MACROD2: variants seen among roughly 807,000 people sequenced by gnomAD.
The protein encoded by MACROD2 is ADP-ribose glycohydrolase MACROD2.
Under a neutral mutation model 70.4 loss-of-function variants are expected in MACROD2, and 36 were observed. The observed-to-expected ratio is 0.51, with a 90% CI of 0.39 to 0.68. The LOEUF (loss-of-function observed/expected upper bound fraction) is 0.68, where lower values mean the gene tolerates loss of function less well. Ranked by LOEUF, MACROD2 falls within the 30% of genes least tolerant of loss-of-function variation. The probability of loss-of-function intolerance (pLI) is 0.00; values close to 1 mark genes in which losing one functional copy is unlikely to be tolerated. For synonymous variants in MACROD2, 172 were observed against 178.8 expected (o/e 0.96, Z 0.30); for missense variants, 496 against 538.4 (o/e 0.92, Z 0.78).
intron 8 of MACROD2, among the ~76,000 whole-genome samples, chr20:15,753,110 T>C (rs2051297517): frequency 6.6e-6 from 1 of 152,082 alleles, no homozygotes; most frequent in Admixed American, 6.6e-5. Flanking sequence ...TATGGTATTA[T>C]ATTAATTTTT....
chr20:15,171,186 A>G (rs1568615040), intron 5 of MACROD2, among the ~76,000 whole-genome samples: 1 of 152,076 alleles, frequency 6.6e-6, no homozygotes, highest in East Asian at 1.9e-4. Flanking sequence ...AGACTGGCCT[A>G]TTTCATCATC....
intron 5 of MACROD2, among the ~76,000 whole-genome samples, chr20:15,125,570 G>T (rs139903702): frequency 6.6e-6 from 1 of 152,008 alleles, no homozygotes; most frequent in Non-Finnish European, 1.5e-5. Flanking sequence ...GGTTATATTA[G>T]CAATGTTTTA....
chr20:14,623,279 G>A (rs575042020), intron 4 of MACROD2, among the ~76,000 whole-genome samples: 39 of 152,104 alleles, frequency 2.6e-4, no homozygotes, highest in African/African-American at 8.7e-4. Context: ...GGTCTGCTAT[G>A]GAAGGAAGCT....
chr20:14,412,207 T>C (rs762885736), intron 3 of MACROD2, among the ~76,000 whole-genome samples: 16 of 152,282 alleles, frequency 1.1e-4, no homozygotes, highest in South Asian at 2.1e-4. Flanking sequence ...CAAATCACTG[T>C]GAGGACTTCT....
At chr20:15,632,540 C>A (rs75365708) in intron 8 of MACROD2, among the ~76,000 whole-genome samples, 10,020 of 152,092 alleles carry the variant, frequency 0.066, 414 homozygotes, top group Middle Eastern at 0.14. Context: ...AGAGACAGGA[C>A]CAGGAAATAC....
At chr20:14,546,235 A>G (rs2085490497) in intron 4 of MACROD2, among the ~76,000 whole-genome samples, 1 of 152,184 alleles carries the variant, frequency 6.6e-6, no homozygotes, top group African/African-American at 2.4e-5. Flanking sequence ...AGTAATTGCT[A>G]GAACTTTTTT....
At chr20:14,041,088 G>T (rs1030232712) in intron 2 of MACROD2, among the ~76,000 whole-genome samples, 4 of 152,084 alleles carry the variant, frequency 2.6e-5, no homozygotes, top group African/African-American at 7.2e-5. Context: ...CACTAAATTT[G>T]TTTCTCATCC....
chr20:15,474,328 T>G (rs2046995035), intron 7 of MACROD2, among the ~76,000 whole-genome samples: 1 of 152,192 alleles, frequency 6.6e-6, no homozygotes, highest in Non-Finnish European at 1.5e-5. Flanking sequence ...TTATTATCCC[T>G]TAGGATGAAA....
chr20:14,928,642 T>G (rs891793137), intron 5 of MACROD2, among the ~76,000 whole-genome samples: 2 of 152,100 alleles, frequency 1.3e-5, no homozygotes, highest in African/African-American at 2.4e-5. Flanking sequence ...AAAGCATAGG[T>G]CCTAAGTCCT....
At chr20:14,035,297 T>C (rs2053293927) in intron 2 of MACROD2, among the ~76,000 whole-genome samples, 1 of 152,230 alleles carries the variant, frequency 6.6e-6, no homozygotes, top group Non-Finnish European at 1.5e-5. Context: ...CATTTTGTTA[T>C]TCAGTGAGAT....
At chr20:15,433,322 G>T (rs562252444) in intron 7 of MACROD2, among the ~76,000 whole-genome samples, 2 of 151,652 alleles carry the variant, frequency 1.3e-5, no homozygotes, top group South Asian at 2.1e-4. Flanking sequence ...CACACAAAAA[G>T]CTCCTCAATC....
intron 6 of MACROD2, among the ~76,000 whole-genome samples, chr20:15,274,354 G>T (rs933472206): frequency 6.6e-6 from 1 of 152,222 alleles, no homozygotes; most frequent in Admixed American, 6.5e-5. Context: ...TGCTGGGGCT[G>T]TATTGTTCTT....
At chr20:14,674,080 T>A (rs1322658080) in intron 4 of MACROD2, among the ~76,000 whole-genome samples, 3 of 152,202 alleles carry the variant, frequency 2.0e-5, no homozygotes, top group African/African-American at 4.8e-5. Flanking sequence ...TATTAAAAGA[T>A]GTATTCTCCA....
intron 5 of MACROD2, among the ~76,000 whole-genome samples, chr20:15,088,445 ATATATAATATTT>A (rs1568567455): frequency 2.5e-3 from 120 of 48,170 alleles, no homozygotes; most frequent in African/African-American, 8.8e-3. Flanking sequence ...ATATATATAT[ATATATAATATTT>A]TGTGTGTGTG....
chr20:15,062,528 T>C (rs1438587912), intron 5 of MACROD2, among the ~76,000 whole-genome samples: 1 of 151,590 alleles, frequency 6.6e-6, no homozygotes, highest in African/African-American at 2.4e-5. Context: ...TCATGATACC[T>C]GTAAAAAAAA....
chr20:16,028,499 A>G (rs910738665), intron 15 of MACROD2, among the ~76,000 whole-genome samples: 1 of 152,002 alleles, frequency 6.6e-6, no homozygotes, highest in Non-Finnish European at 1.5e-5. Context: ...ATGGAGGCAT[A>G]TTATCTGGCC....
At chr20:14,013,226 GACCTGTGCTGTTCAA>G (rs1274142580) in intron 2 of MACROD2, among the ~76,000 whole-genome samples, 7 of 150,602 alleles carry the variant, frequency 4.6e-5, no homozygotes, top group African/African-American at 1.7e-4. Context: ...TGTATAAGTG[GACCTGTGCTGTTCAA>G]ACCTGTGTTG....
intron 8 of MACROD2, among the ~76,000 whole-genome samples, chr20:15,807,674 T>C (rs1201426849): frequency 6.6e-6 from 1 of 152,204 alleles, no homozygotes; most frequent in African/African-American, 2.4e-5. Flanking sequence ...AATGTTTGGA[T>C]ATATTGAGTT....
At chr20:15,647,213 A>G (rs2049561509) in intron 8 of MACROD2, among the ~76,000 whole-genome samples, 1 of 152,188 alleles carries the variant, frequency 6.6e-6, no homozygotes, top group Non-Finnish European at 1.5e-5. Context: ...AATGTCATAG[A>G]ATTATTTATG....
Sources: gnomAD v4.1 joint callset for allele counts (sites outside exome capture counted in the v4.1 genomes callset) on GRCh38, gnomAD v4.1.1 for gene constraint, MANE v1.5 for transcripts, NCBI Gene and HGNC (gene_info 2026-07-23, HGNC 2026-07-21) for gene names.